Variants in RNF214 observed in about 807,000 individuals in gnomAD.
RNF214 encodes the protein ring finger protein 214.
A neutral mutation model predicts 75.9 loss-of-function variants in RNF214; 25 were observed. The observed-to-expected ratio is 0.33, with a 90% CI of 0.24 to 0.46. RNF214 has a LOEUF of 0.46. RNF214 is among the 20% of genes least tolerant of loss of function. RNF214 has a pLI of 1.00. For synonymous variants in RNF214, 314 were observed against 308.8 expected (o/e 1.02, Z -0.18); for missense variants, 725 against 857.5 (o/e 0.85, Z 1.93).
intron 6 of RNF214, among the ~76,000 whole-genome samples, chr11:117,272,302 G>A (rs901012259): frequency 4.6e-5 from 7 of 152,116 alleles, no homozygotes; most frequent in African/African-American, 1.7e-4. Flanking sequence ...TAGACTTTCC[G>A]TGTGTTAATA....
chr11:117,233,950 C>T (rs1049703086), intron 1 of RNF214, among the ~76,000 whole-genome samples: 2 of 152,160 alleles, frequency 1.3e-5, no homozygotes, highest in African/African-American at 4.8e-5. Context: ...GGCCTGGGAC[C>T]ACTTGGAAGA....
intron 6 of RNF214, among the ~76,000 whole-genome samples, chr11:117,263,625 A>G (rs1412090003): frequency 1.3e-5 from 2 of 152,238 alleles, no homozygotes; most frequent in Admixed American, 6.5e-5. Context: ...GAGTCCCACA[A>G]AAATATCAGA....
intron 14 of RNF214, among the ~76,000 whole-genome samples, chr11:117,284,050 C>A (rs982952656): frequency 1.3e-5 from 2 of 152,184 alleles, no homozygotes; most frequent in African/African-American, 4.8e-5. Flanking sequence ...CTTTTTACCC[C>A]ATTCCCTTCA....
intron 6 of RNF214, chr11:117,263,911 C>T: frequency 3.9e-6 from 1 of 255,694 alleles, no homozygotes; most frequent in Non-Finnish European, 7.6e-6. Flanking sequence ...TTTAGGAGGA[C>T]TGTCTTTAGA....
At chr11:117,249,099 T>A (rs1040408423) in intron 6 of RNF214, among the ~76,000 whole-genome samples, 6 of 152,096 alleles carry the variant, frequency 3.9e-5, no homozygotes, top group Admixed American at 3.9e-4. Context: ...ATTTTTTAAA[T>A]TTTTTTATAG....
chr11:117,237,142 C>T (rs1431396466), intron 2 of RNF214, among the ~76,000 whole-genome samples: 2 of 152,154 alleles, frequency 1.3e-5, no homozygotes, highest in African/African-American at 2.4e-5. Flanking sequence ...TACAGTGGTG[C>T]GATCATGGCC....
chr11:117,256,437 G>A (rs961869867), intron 6 of RNF214, among the ~76,000 whole-genome samples: 4 of 152,156 alleles, frequency 2.6e-5, no homozygotes, highest in Non-Finnish European at 4.4e-5. Context: ...ATGTGGCTCC[G>A]GTCAGGTTGT....
rs536656742 is a variant in RNF214 at position 117,281,215 on chromosome 11, C to T, written c.1146-99C>T. On this transcript the variant is annotated intron_variant, in intron 8 of 14. Coordinates refer to ENST00000300650, the MANE Select transcript of RNF214 (RefSeq NM_207343.4). ...TCTAGAACTCCTGAGCTCAAGTGAT[C>T]TGCCCGCCTTGGCCTCTTGTGCTGG... 262 of 781,020 alleles carry T rather than the reference C, an allele frequency of 3.4e-4. No individual in the cohort carries two copies. The South Asian group carries it at 3.6e-3, about 11-fold the overall frequency. 48.4% of individuals were successfully genotyped at this position (781,020 alleles called of 1,614,324 possible).
At chr11:117,270,934 TC>T (rs1372334114) in intron 6 of RNF214, among the ~76,000 whole-genome samples, 1 of 151,886 alleles carries the variant, frequency 6.6e-6, no homozygotes, top group Non-Finnish European at 1.5e-5. Flanking sequence ...TGTGGCTCTG[TC>T]CCCCAGGCTA....
In RNF214 at chr11:117,238,964, C is replaced by T; in HGVS notation, c.471C>T (p.Thr157=). The part of the protein sequence containing the change: ...RNCSEEKSPQ[T]SILKEGNRDT... ...GCTCTGAAGAGAAATCCCCACAAAC[C>T]TCCATCCTAAAGGAAGGTAACAGGG... The change falls in exon 3 of 15, where the codon ACC becomes ACT. Residue 157 remains threonine, a synonymous_variant. Transcript: ENST00000300650. 2 of 1,614,210 alleles carry T rather than the reference C, an allele frequency of 1.2e-6. No individual in the cohort carries two copies. Among genetic ancestry groups the T allele is most frequent in the South Asian group, 1.1e-5 (1 of 91,086 alleles).
chr11:117,236,552 A>G (rs1198885110), intron 2 of RNF214, among the ~76,000 whole-genome samples: 1 of 152,190 alleles, frequency 6.6e-6, no homozygotes, highest in Non-Finnish European at 1.5e-5. Context: ...GATTACAGGC[A>G]TGAGCCACCG....
intron 6 of RNF214, among the ~76,000 whole-genome samples, chr11:117,266,973 CAAAAA>C (rs34374425): frequency 1.3e-5 from 1 of 79,868 alleles, no homozygotes; most frequent in Non-Finnish European, 2.5e-5. Context: ...TCCTGCCTCA[CAAAAA>C]AAAAAAAAAA....
intron 2 of RNF214, among the ~76,000 whole-genome samples, chr11:117,235,162 T>C (rs149080248): frequency 5.3e-4 from 81 of 152,306 alleles, no homozygotes; most frequent in African/African-American, 1.7e-3. Context: ...CATCCAATTT[T>C]TTTCTGAAAA....
Position 117,239,828 on chromosome 11 carries a change from G to A in RNF214, c.646G>A (p.Val216Ile), listed in dbSNP as rs767287359. 1.9e-6 allele frequency: 3 copies of A among 1,565,166 alleles called. No homozygotes were observed. The highest frequency in any genetic ancestry group is 1.4e-5 in the African/African-American group (1 of 73,886). The change falls in exon 4 of 15, where the codon GTA (valine) becomes ATA (isoleucine). Residue 216 changes from valine (V) to isoleucine (I), a missense_variant. Coordinates refer to ENST00000300650, the MANE Select transcript of RNF214 (RefSeq NM_207343.4). ...TGACTTTAAGACAGCTGATTCAGAG[G>A]TAAACACAGATCAAGATATTGAAAA... ...QTDFKTADSE[V>I]NTDQDIEKNL...
chr11:117,284,737 C>T (rs2034209849), intron 14 of RNF214, among the ~76,000 whole-genome samples: 1 of 151,978 alleles, frequency 6.6e-6, no homozygotes, highest in South Asian at 2.1e-4. Context: ...CGAGACCAGC[C>T]TGGCCAACAA....
At position 117,238,362 on chromosome 11, in the gene RNF214, G is replaced by A. The variant is rs545061788; in HGVS notation, c.108-239G>A. Among the ~76,000 whole-genome samples, 10 of 152,242 alleles carry A rather than the reference G, an allele frequency of 6.6e-5. No individual in the cohort carries two copies. In the Middle Eastern group the frequency reaches 0.014, roughly 207 times the overall value. ...TGAGACTGTAGTGAGCCTTGATGGC[G>A]GCACTGCACTCTAGCTTGGGTGACA... On this transcript the variant is annotated intron_variant, in intron 2 of 14. Transcript: ENST00000300650.
chr11:117,262,641 C>G (rs2033692115), intron 6 of RNF214, among the ~76,000 whole-genome samples: 1 of 151,938 alleles, frequency 6.6e-6, no homozygotes, highest in Admixed American at 6.6e-5. Context: ...CTTGGCCTCC[C>G]TAAGTGCTGA....
rs1431408361 is a variant in RNF214 at position 117,282,482 on chromosome 11, C to G, written c.1791C>G (p.Ile597Met). The G allele has an allele frequency of 6.2e-7, 1 of 1,614,158 alleles. No individual in the cohort carries two copies. Among genetic ancestry groups the G allele is most frequent in the African/African-American group, 1.3e-5 (1 of 75,044 alleles). Reference sequence around the variant, plus strand: ...CAGGCCTGACCATGGAGGAACTTATCCAGTTGGTTGCTGCACGACTGGCAG... The same window carrying G: ...CAGGCCTGACCATGGAGGAACTTATGCAGTTGGTTGCTGCACGACTGGCAG... ...TMAGLTMEEL[I>M]QLVAARLAEH... Residue 597 changes from isoleucine (I) to methionine (M), a missense_variant, in exon 12 of 15, where the codon ATC (isoleucine) becomes ATG (methionine). This residue lies in a region of RNF214 where 363 missense variants were observed against 513.0 expected (regional missense o/e 0.71). Transcript: ENST00000300650.
chr11:117,234,470 T>C, intron 2 of RNF214, 91 bp downstream of exon 2: 1 of 872,424 alleles, frequency 1.1e-6, no homozygotes, highest in Non-Finnish European at 1.9e-6. Context: ...TTGGCTCTGA[T>C]GGCACTGCAC....
Sources: gnomAD v4.1 joint callset for allele counts (sites outside exome capture counted in the v4.1 genomes callset) on GRCh38, gnomAD v4.1.1 for gene constraint, gnomAD v4.1.1 regional missense constraint, MANE v1.5 for transcripts, NCBI Gene and HGNC (gene_info 2026-07-23, HGNC 2026-07-21) for gene names.